The following KCNQ3 variants were observed in gnomAD, a reference collection of about 807,000 sequenced individuals.
KCNQ3 encodes the protein potassium voltage-gated channel subfamily Q member 3.
A neutral mutation model predicts 92.5 loss-of-function variants in KCNQ3; 30 were observed. The ratio of observed to expected loss-of-function variants is 0.32; its 90% CI spans 0.24 to 0.44. The LOEUF is 0.44. Among genes scored for constraint, KCNQ3 ranks in the 20% least tolerant of loss-of-function variants. The pLI is 1.00. For synonymous variants in KCNQ3, 450 were observed against 468.8 expected (o/e 0.96, Z 0.52); for missense variants, 913 against 1,140.3 (o/e 0.80, Z 2.87).
At chr8:132,214,535 A>G (rs554703725) in intron 1 of KCNQ3, among the ~76,000 whole-genome samples, 1 of 152,288 alleles carries the variant, frequency 6.6e-6, no homozygotes, top group East Asian at 1.9e-4. Flanking sequence ...CACCCTTGAC[A>G]TCCTCTCCTC....
chr8:132,353,848 C>A (rs1236608042), intron 1 of KCNQ3, among the ~76,000 whole-genome samples: 2 of 152,082 alleles, frequency 1.3e-5, no homozygotes, highest in Non-Finnish European at 2.9e-5. Context: ...CAAACAAAAA[C>A]TTTGGATTTT....
At chr8:132,416,861 G>A (rs891368238) in intron 1 of KCNQ3, among the ~76,000 whole-genome samples, 6 of 152,162 alleles carry the variant, frequency 3.9e-5, no homozygotes, top group African/African-American at 1.4e-4. Context: ...TGTGAAGGGT[G>A]TCCCTCTGAA....
chr8:132,312,128 G>C (rs1173217819), intron 1 of KCNQ3, among the ~76,000 whole-genome samples: 2 of 152,164 alleles, frequency 1.3e-5, no homozygotes, highest in Non-Finnish European at 2.9e-5. Context: ...GAAGGAGCGT[G>C]GCTCTGCTGA....
At chr8:132,340,567 C>T (rs1818498422) in intron 1 of KCNQ3, among the ~76,000 whole-genome samples, 2 of 152,158 alleles carry the variant, frequency 1.3e-5, no homozygotes, top group Admixed American at 1.3e-4. Context: ...ACAATGAGAA[C>T]ACATGGACAC....
At position 132,172,397 on chromosome 8, in the gene KCNQ3, T is replaced by TACACACACAC. The variant is rs35831322; in HGVS notation, c.1140+191_1140+200dup. Among the ~76,000 whole-genome samples, 396 of 140,464 alleles carry TACACACACAC rather than the reference T, an allele frequency of 2.8e-3. 4 individuals carry two copies. Among genetic ancestry groups the TACACACACAC allele is most frequent in the African/African-American group, 9.2e-3 (349 of 38,132 alleles). 92.1% of individuals were successfully genotyped at this position (140,464 alleles called of 152,430 possible). On this transcript the variant is annotated intron_variant, in intron 7 of 14. Coordinates refer to ENST00000388996, the MANE Select transcript of KCNQ3 (RefSeq NM_004519.4). ...GCCTGCTCCTGCCTGGGCACATTAA[T>TACACACACAC]ACACACACACACACACACACACACA...
At chr8:132,146,714 G>A (rs559077157) in intron 9 of KCNQ3, among the ~76,000 whole-genome samples, 2 of 151,722 alleles carry the variant, frequency 1.3e-5, no homozygotes, top group African/African-American at 4.9e-5. Context: ...TCAGCCTCCC[G>A]AGTTACTGGA....
intron 1 of KCNQ3, among the ~76,000 whole-genome samples, chr8:132,324,213 G>A (rs1269465629): frequency 6.6e-6 from 1 of 152,110 alleles, no homozygotes. Flanking sequence ...CGTCAGCATG[G>A]TCAGTTCACC....
At chr8:132,134,255 C>T in intron 13 of KCNQ3, 35 bp downstream of exon 13, 3 of 1,534,404 alleles carry the variant, frequency 2.0e-6, no homozygotes, top group African/African-American at 2.7e-5. Flanking sequence ...AAACTTTGCA[C>T]CCCTGGCCCA....
At chr8:132,247,716 T>G (rs4370514) in intron 1 of KCNQ3, among the ~76,000 whole-genome samples, 5,786 of 151,772 alleles carry the variant, frequency 0.038, 151 homozygotes, top group South Asian at 0.062. Flanking sequence ...GAGAATCGCT[T>G]GAACCCAGGA....
At chr8:132,274,762 G>A (rs933833089) in intron 1 of KCNQ3, among the ~76,000 whole-genome samples, 1 of 152,176 alleles carries the variant, frequency 6.6e-6, no homozygotes, top group Non-Finnish European at 1.5e-5. Context: ...GTTCCCAGTG[G>A]GGTGCTGGGA....
At chr8:132,375,051 G>T (rs1819573555) in intron 1 of KCNQ3, among the ~76,000 whole-genome samples, 1 of 152,048 alleles carries the variant, frequency 6.6e-6, no homozygotes, top group African/African-American at 2.4e-5. Flanking sequence ...CCAGTAATGG[G>T]ATTGCTGGGT....
chr8:132,228,918 C>T (rs189223633), intron 1 of KCNQ3, among the ~76,000 whole-genome samples: 1 of 152,202 alleles, frequency 6.6e-6, no homozygotes, highest in African/African-American at 2.4e-5. Flanking sequence ...AGGTTTGACA[C>T]AGGGAGAGAG....
At chr8:132,305,884 TTTTTG>T (rs66495153) in intron 1 of KCNQ3, among the ~76,000 whole-genome samples, 1 of 70,194 alleles carries the variant, frequency 1.4e-5, no homozygotes, top group African/African-American at 7.1e-5. Flanking sequence ...TTTTTGTTTG[TTTTTG>T]TTTGTTTTGT....
intron 1 of KCNQ3, among the ~76,000 whole-genome samples, chr8:132,260,702 G>T (rs1360467775): frequency 6.6e-6 from 1 of 151,986 alleles, no homozygotes; most frequent in African/African-American, 2.4e-5. Context: ...AGTGTTCTCT[G>T]CTTGGAACCG....
chr8:132,288,430 A>G (rs182211875), intron 1 of KCNQ3, among the ~76,000 whole-genome samples: 37 of 152,292 alleles, frequency 2.4e-4, no homozygotes, highest in African/African-American at 8.7e-4. Flanking sequence ...CTTCTTCTAT[A>G]TAAACATGAG....
At chr8:132,450,709 G>T (rs1821799720) in intron 1 of KCNQ3, among the ~76,000 whole-genome samples, 1 of 152,178 alleles carries the variant, frequency 6.6e-6, no homozygotes, top group Admixed American at 6.5e-5. Flanking sequence ...CCCAATGCAG[G>T]TGAATGCCCT....
At chr8:132,303,587 G>GTA (rs1817299534) in intron 1 of KCNQ3, among the ~76,000 whole-genome samples, 1 of 23,804 alleles carries the variant, frequency 4.2e-5, no homozygotes, top group African/African-American at 1.6e-4. Flanking sequence ...TATGGTGTGT[G>GTA]TGTATATATA....
At chr8:132,479,663 C>T (rs573364745) in intron 1 of KCNQ3, among the ~76,000 whole-genome samples, 1 of 137,450 alleles carries the variant, frequency 7.3e-6, no homozygotes, top group African/African-American at 2.8e-5. Flanking sequence ...ACACGCTCCC[C>T]ACTATGGGTG....
intron 1 of KCNQ3, among the ~76,000 whole-genome samples, chr8:132,297,008 A>G (rs1036097354): frequency 3.9e-5 from 6 of 152,238 alleles, no homozygotes; most frequent in Admixed American, 3.9e-4. Context: ...TCCCACCAAC[A>G]GTGTAAAAGT....
Sources: allele counts gnomAD v4.1 joint callset (sites outside exome capture counted in the v4.1 genomes callset), GRCh38; gene constraint gnomAD v4.1.1; transcripts MANE v1.5; gene names NCBI Gene and HGNC (gene_info 2026-07-23, HGNC 2026-07-21).